The following PTPRU variants were observed in gnomAD, a reference collection of about 807,000 sequenced individuals.
PTPRU encodes the protein receptor-type tyrosine-protein phosphatase U.
Under a neutral mutation model 166.3 loss-of-function variants are expected in PTPRU, and 69 were observed. The ratio of observed to expected loss-of-function variants is 0.41; its 90% CI spans 0.34 to 0.51. The LOEUF is 0.51. Among genes scored for constraint, PTPRU ranks in the 20% least tolerant of loss-of-function variants. The pLI, the probability that PTPRU is intolerant of heterozygous loss-of-function variation, is 0.09. For synonymous variants in PTPRU, 793 were observed against 814.0 expected (o/e 0.97, Z 0.44); for missense variants, 1,657 against 2,013.7 (o/e 0.82, Z 3.39).
At chr1:29,275,867 A>G in intron 8 of PTPRU, 111 bp downstream of exon 8, 4 of 1,225,220 alleles carry the variant, frequency 3.3e-6, no homozygotes, top group South Asian at 1.5e-5. Flanking sequence ...CTTAGGATTA[A>G]ACCAACTGTA....
At chr1:29,239,133 TC>T (rs1683921928) in intron 1 of PTPRU, among the ~76,000 whole-genome samples, 2 of 152,174 alleles carry the variant, frequency 1.3e-5, no homozygotes, top group Non-Finnish European at 2.9e-5. Context: ...GCAAATCACC[TC>T]ACTTGTAAAG....
intron 18 of PTPRU, 109 bp from the exon 19 acceptor site, chr1:29,310,635 T>C (rs1687610367): frequency 5.0e-6 from 6 of 1,190,338 alleles, no homozygotes; most frequent in South Asian, 1.2e-5. Flanking sequence ...GAGGGAGCAG[T>C]TCCCTGGTGG....
intron 18 of PTPRU, chr1:29,307,163 C>T (rs1226490439): frequency 6.2e-7 from 1 of 1,611,054 alleles, no homozygotes; most frequent in Non-Finnish European, 8.5e-7. Context: ...ATCTCTCTCC[C>T]CTTCTCCTCC....
At chr1:29,247,346 G>C (rs775906016) in intron 1 of PTPRU, among the ~76,000 whole-genome samples, 3 of 152,254 alleles carry the variant, frequency 2.0e-5, no homozygotes, top group African/African-American at 2.4e-5. Context: ...GTTCTGCCAT[G>C]CTGTACCAGA....
intron 14 of PTPRU, among the ~76,000 whole-genome samples, chr1:29,287,887 C>T (rs1162010935): frequency 6.6e-6 from 1 of 152,062 alleles, no homozygotes; most frequent in Non-Finnish European, 1.5e-5. Flanking sequence ...AGTCTTGGCT[C>T]ACTGCAACCT....
rs772565654 is a variant in PTPRU at position 29,315,448 on chromosome 1, G to A, written c.3304G>A (p.Asp1102Asn). 10 of 1,614,098 alleles carry A rather than the reference G, an allele frequency of 6.2e-6. No homozygotes were observed. In the South Asian group the frequency reaches 9.9e-5, roughly 16 times the overall value. The change falls in exon 23 of 30, where the codon GAC (aspartate) becomes AAC (asparagine). Residue 1102 changes from aspartate (D) to asparagine (N), a missense_variant. Around this residue, in one of 3 missense-constraint regions of PTPRU, gnomAD observed 1,190 missense variants for 1,477.4 expected, o/e 0.81. Transcript: ENST00000373779. The surrounding 1 kb of genome is among the most constrained non-coding windows in gnomAD (Gnocchi z 4.5). ...LDMAECEGVV[D>N]IYNCVKTLCS... ...CATGGCAGAGTGTGAGGGCGTCGTG[G>A]ACATTTACAACTGTGTGAAGACTCT...
rs1687978875 is a variant in PTPRU at position 29,317,949 on chromosome 1, G to C, written c.3687+28G>C. On this transcript the variant is annotated intron_variant, in intron 25 of 29. Coordinates refer to ENST00000373779, the MANE Select transcript of PTPRU (RefSeq NM_133178.4). The surrounding 1 kb of genome is among the most constrained non-coding windows in gnomAD (Gnocchi z 5.6). Reference sequence around the variant, plus strand: ...GAGAGCTTGGGGTGGAGTGGGCTCTGGGGCTCCCCTTCCCAGCAGCATCAG... The same window carrying C: ...GAGAGCTTGGGGTGGAGTGGGCTCTCGGGCTCCCCTTCCCAGCAGCATCAG... The C allele has an allele frequency of 1.2e-6, 2 of 1,610,846 alleles. No individual in the cohort carries two copies. Among genetic ancestry groups the C allele is most frequent in the South Asian group, 2.2e-5 (2 of 90,962 alleles).
At chr1:29,283,082 C>T (rs1320745654) in intron 12 of PTPRU, 133 bp downstream of exon 12, 1 of 1,267,344 alleles carries the variant, frequency 7.9e-7, no homozygotes, top group South Asian at 1.4e-5. Context: ...ATAGCCCCAC[C>T]TCCCATAGCT....
At position 29,260,276 on chromosome 1, in the gene PTPRU, C is replaced by T. The variant is rs1407843780; in HGVS notation, c.850+232C>T. On this transcript the variant is annotated intron_variant, in intron 6 of 29. Transcript: ENST00000373779. The surrounding 1 kb of genome is among the most constrained non-coding windows in gnomAD (Gnocchi z 8.3). ...GGACGGACAGGGTCAAGGTGAGAGCCTAAAGAGGGGTGGGGTTCTGGCTGT... is the reference window on the plus strand; with the variant it reads ...GGACGGACAGGGTCAAGGTGAGAGCTTAAAGAGGGGTGGGGTTCTGGCTGT... 1.4e-5 allele frequency: 7 copies of T among 507,374 alleles called. 1 individual carries two copies. The highest frequency in any genetic ancestry group is 1.3e-5 in the Non-Finnish European group (4 of 305,120). The allele number at this position is 507,374 out of a possible 1,614,324, so 31.4% of individuals were successfully genotyped here. A position where few individuals can be genotyped will look rare whatever the true frequency, so the allele number is the denominator to read the frequency against.
chr1:29,321,218 T>TTTC (rs1557490389), intron 26 of PTPRU, among the ~76,000 whole-genome samples: 2 of 148,888 alleles, frequency 1.3e-5, no homozygotes, highest in African/African-American at 2.5e-5. Context: ...TTTTTTTTTT[T>TTTC]TCAGTAGAGA....
chr1:29,260,538 G>A lies in PTPRU; in HGVS notation c.851-72G>A, dbSNP rs759139759. The stretch of plus-strand genomic sequence containing the variant: ...GGACGGAGAGGGATTTGGGTGTGGT[G>A]GAACTCAGAGTTGGGTGCTGGGGTC... On this transcript the variant is annotated intron_variant, in intron 6 of 29. Coordinates refer to ENST00000373779, the MANE Select transcript of PTPRU (RefSeq NM_133178.4). The surrounding 1 kb of genome is among the most constrained non-coding windows in gnomAD (Gnocchi z 8.3). 32 of 1,171,648 alleles carry A rather than the reference G, an allele frequency of 2.7e-5. No homozygotes were observed. Among genetic ancestry groups the A allele is most frequent in the South Asian group, 8.5e-5 (5 of 59,112 alleles). 72.6% of individuals were successfully genotyped at this position (1,171,648 alleles called of 1,614,324 possible). A position where few individuals can be genotyped will look rare whatever the true frequency, so the allele number is the denominator to read the frequency against.
chr1:29,308,056 C>A (rs547746012), intron 18 of PTPRU, among the ~76,000 whole-genome samples: 20 of 151,962 alleles, frequency 1.3e-4, no homozygotes, highest in Non-Finnish European at 2.4e-4. Flanking sequence ...CACACCTGGC[C>A]CATTTTTTAG....
chr1:29,273,275 T>C (rs539810224), intron 7 of PTPRU, among the ~76,000 whole-genome samples: 32 of 152,300 alleles, frequency 2.1e-4, no homozygotes, highest in African/African-American at 7.5e-4. Flanking sequence ...TTCTTTTCTA[T>C]TCTTTTTTTT....
Position 29,257,346 on chromosome 1 carries a change from A to G in PTPRU, c.206-1159A>G, listed in dbSNP as rs539777697. On this transcript the variant is annotated intron_variant, in intron 2 of 29. Transcript: ENST00000373779. The surrounding 1 kb of genome is among the most constrained non-coding windows in gnomAD (Gnocchi z 4.6). ...TGGGACTGATCCAGGAGCCGCCTCC[A>G]TAGGGCTTCTAGCTTACAGAGATGA... Among the ~76,000 whole-genome samples the G allele has an allele frequency of 2.0e-5, 3 of 152,250 alleles. No homozygotes were observed. Among genetic ancestry groups the G allele is most frequent in the Admixed American group, 1.3e-4 (2 of 15,300 alleles).
Position 29,261,010 on chromosome 1 carries a change from T to C in PTPRU, c.1144+107T>C. The C allele has an allele frequency of 3.2e-6, 4 of 1,254,836 alleles. No homozygotes were observed. In the South Asian group the frequency reaches 7.3e-5, roughly 23 times the overall value. The allele number at this position is 1,254,836 out of a possible 1,614,324, so 77.7% of individuals were successfully genotyped here. The stretch of plus-strand genomic sequence containing the variant: ...TGTGCTTGTAAACCTTTCTAAAACA[T>C]TGTGATTTTTCCTCAACCCTTGTTA... On this transcript the variant is annotated intron_variant, in intron 7 of 29. Transcript: ENST00000373779.
chr1:29,278,221 G>A (rs948792917), intron 8 of PTPRU, among the ~76,000 whole-genome samples: 2 of 152,136 alleles, frequency 1.3e-5, no homozygotes, highest in Admixed American at 6.5e-5. Context: ...CTTGGTTTAT[G>A]GCTTTGTCTT....
rs368618242 is a variant in PTPRU, at chr1:29,258,137, G to GT, written c.206-361dup. On this transcript the variant is annotated intron_variant, in intron 2 of 29. Transcript: ENST00000373779. Reference sequence around the variant, plus strand: ...ATGCTACCACACCCTGCTAATTTTTGTTTTTTTAGTAGAGACAGGGTTTTA... The same window carrying GT: ...ATGCTACCACACCCTGCTAATTTTTGTTTTTTTTAGTAGAGACAGGGTTTTA... Among the ~76,000 whole-genome samples, 499 of 152,114 alleles carry GT rather than the reference G, an allele frequency of 3.3e-3. 2 individuals carry two copies. Among genetic ancestry groups the GT allele is most frequent in the South Asian group, 0.016 (79 of 4,822 alleles).
Position 29,315,584 on chromosome 1 carries a change from A to T in PTPRU, c.3363+77A>T, listed in dbSNP as rs951320613. The T allele has an allele frequency of 3.1e-6, 5 of 1,587,898 alleles. No homozygotes were observed. The highest frequency in any genetic ancestry group is 3.3e-5 in the Admixed American group (2 of 59,834). ...TCTCGTGAAGGATCCTGGAGCCGGC[A>T]GAGCATGCCCAAAGGGTGTCCTGAG... is the stretch of plus-strand genomic sequence containing the variant. On this transcript the variant is annotated intron_variant, in intron 23 of 29. Transcript: ENST00000373779. The surrounding 1 kb of genome is among the most constrained non-coding windows in gnomAD (Gnocchi z 4.5).
chr1:29,242,666 G>T (rs543228209), intron 1 of PTPRU, among the ~76,000 whole-genome samples: 1 of 152,312 alleles, frequency 6.6e-6, no homozygotes, highest in African/African-American at 2.4e-5. Context: ...CTCTCAGAAA[G>T]TTCTGCAGAC....
Sources: gnomAD v4.1 joint callset for allele counts (sites outside exome capture counted in the v4.1 genomes callset) on GRCh38, gnomAD v4.1.1 for gene constraint, gnomAD v4.1.1 regional missense constraint, Gnocchi (gnomAD v3.1) non-coding constraint, MANE v1.5 for transcripts, NCBI Gene and HGNC (gene_info 2026-07-23, HGNC 2026-07-21) for gene names.